Variants in PPP4R2 observed in about 807,000 individuals in gnomAD.
PPP4R2 encodes protein phosphatase 4 regulatory subunit 2, also known as serine/threonine-protein phosphatase 4 regulatory subunit 2.
PPP4R2 carries 13 observed loss-of-function variants against 47.2 expected under a neutral mutation model. The observed-to-expected ratio is 0.28, with a 90% CI of 0.18 to 0.44. PPP4R2 has a LOEUF of 0.44. PPP4R2 is among the 20% of genes least tolerant of loss of function. The pLI is 1.00. For synonymous variants in PPP4R2, 151 were observed against 163.3 expected (o/e 0.92, Z 0.57); for missense variants, 421 against 491.2 (o/e 0.86, Z 1.35).
rs946365237 is a variant in PPP4R2 at position 73,068,303 on chromosome 3, T to G, written c.*2581T>G. 9 of 152,132 alleles carry G rather than the reference T, an allele frequency of 5.9e-5. No homozygotes were observed. Among genetic ancestry groups the G allele is most frequent in the Admixed American group, 2.0e-4 (3 of 15,266 alleles). 9.4% of individuals were successfully genotyped at this position (152,132 alleles called of 1,614,324 possible). On this transcript the variant is annotated 3_prime_UTR_variant, in exon 9 of 9. Coordinates refer to ENST00000356692, the MANE Select transcript of PPP4R2 (RefSeq NM_174907.4). ...TTGTTTCTGACCTTGAGCAGATTGC[T>G]TACCTGTTCTCTAGACTATAACCCA...
chr3:73,002,134 A>G (rs1701477448), intron 2 of PPP4R2, among the ~76,000 whole-genome samples: 1 of 152,222 alleles, frequency 6.6e-6, no homozygotes, highest in Non-Finnish European at 1.5e-5. Context: ...TTCACTTAAC[A>G]TAATGGCCTA....
intron 2 of PPP4R2, among the ~76,000 whole-genome samples, chr3:73,018,465 A>ATGTTT (rs1295553516): frequency 9.0e-5 from 8 of 88,962 alleles, no homozygotes; most frequent in Non-Finnish European, 1.6e-4. Context: ...ATGTTATGTT[A>ATGTTT]GTATCCGAAA....
chr3:73,048,618 C>T (rs1008714392), intron 3 of PPP4R2, among the ~76,000 whole-genome samples: 3 of 152,106 alleles, frequency 2.0e-5, no homozygotes, highest in African/African-American at 7.2e-5. Flanking sequence ...TTGAATTATT[C>T]GATATTTAGT....
intron 2 of PPP4R2, among the ~76,000 whole-genome samples, chr3:73,011,768 T>A (rs982960611): frequency 1.4e-5 from 2 of 147,382 alleles, no homozygotes; most frequent in Non-Finnish European, 3.0e-5. Context: ...ATGAGACTGA[T>A]ACGTGTATTT....
chr3:73,018,045 G>A (rs1435643015), intron 2 of PPP4R2, among the ~76,000 whole-genome samples: 1 of 152,128 alleles, frequency 6.6e-6, no homozygotes, highest in African/African-American at 2.4e-5. Flanking sequence ...GACCAGGTTG[G>A]TTTTGGGGAA....
chr3:73,007,777 C>T (rs1052996006), intron 2 of PPP4R2, among the ~76,000 whole-genome samples: 1 of 152,166 alleles, frequency 6.6e-6, no homozygotes, highest in Non-Finnish European at 1.5e-5. Flanking sequence ...GTGTGAGCCA[C>T]CGCGCCCGGC....
chr3:73,061,050 CCTT>C lies in PPP4R2; in HGVS notation c.414_416del (p.Ser139del), dbSNP rs778949580. 8 of 1,530,514 alleles carry C rather than the reference CCTT, an allele frequency of 5.2e-6. No individual in the cohort carries two copies. In the East Asian group the frequency reaches 1.2e-4, roughly 22 times the overall value. 94.8% of individuals were successfully genotyped at this position (1,530,514 alleles called of 1,614,324 possible). On this transcript the variant is annotated inframe_deletion, in exon 5 of 9. Coordinates refer to ENST00000356692, the MANE Select transcript of PPP4R2 (RefSeq NM_174907.4). ...TGTGATGGTTGTTAGCTGTGTTTAT[CCTT>C]CTTCAGAGTAAGTATATTTTTTCTA...
At chr3:73,063,318 T>TAA (rs534798966) in intron 5 of PPP4R2, 1,345 of 92,072 alleles carry the variant, frequency 0.015, 35 homozygotes, top group African/African-American at 0.067. Flanking sequence ...TCTCATTATT[T>TAA]AAAAAAAAAA....
chr3:73,040,089 G>A (rs1272563364), intron 2 of PPP4R2, among the ~76,000 whole-genome samples: 9 of 152,050 alleles, frequency 5.9e-5, no homozygotes, highest in Admixed American at 5.9e-4. Flanking sequence ...TGCCAAAATT[G>A]AAGAAGCCCT....
chr3:73,050,807 G>A (rs976728154), intron 3 of PPP4R2, among the ~76,000 whole-genome samples: 1 of 152,072 alleles, frequency 6.6e-6, no homozygotes, highest in Non-Finnish European at 1.5e-5. Flanking sequence ...TTGATGGTAG[G>A]CATTTATTTT....
At chr3:73,001,599 C>G (rs1488230117) in intron 2 of PPP4R2, among the ~76,000 whole-genome samples, 1 of 152,046 alleles carries the variant, frequency 6.6e-6, no homozygotes, top group African/African-American at 2.4e-5. Flanking sequence ...CACTTGCACA[C>G]TTATGTAATT....
chr3:73,032,666 A>T (rs1357273975), intron 2 of PPP4R2, among the ~76,000 whole-genome samples: 1 of 151,992 alleles, frequency 6.6e-6, no homozygotes, highest in African/African-American at 2.4e-5. Flanking sequence ...TTTTTCCCTT[A>T]ATGTCTGATT....
At chr3:73,065,324 G>T (rs1229747720) in intron 8 of PPP4R2, 73 bp from the exon 9 acceptor site, 10 of 1,428,398 alleles carry the variant, frequency 7.0e-6, no homozygotes, top group Non-Finnish European at 9.4e-6. Flanking sequence ...TAGAATATCA[G>T]AATTCATGAA....
intron 2 of PPP4R2, among the ~76,000 whole-genome samples, chr3:73,009,074 C>T (rs1189121742): frequency 6.6e-6 from 1 of 152,192 alleles, no homozygotes; most frequent in Non-Finnish European, 1.5e-5. Context: ...AATTATTCTA[C>T]TTTTAGTGAT....
intron 2 of PPP4R2, among the ~76,000 whole-genome samples, chr3:73,000,154 G>A (rs1258881185): frequency 1.3e-5 from 2 of 152,102 alleles, no homozygotes; most frequent in African/African-American, 4.8e-5. Flanking sequence ...GGAAACAGTG[G>A]GTCACTTGAG....
intron 2 of PPP4R2, among the ~76,000 whole-genome samples, chr3:73,043,021 G>A (rs1333460772): frequency 2.6e-5 from 4 of 152,116 alleles, no homozygotes; most frequent in African/African-American, 7.2e-5. Flanking sequence ...AACATGTCAT[G>A]TCAGATGGTT....
At chr3:73,060,261 C>T (rs1409204245) in intron 4 of PPP4R2, among the ~76,000 whole-genome samples, 1 of 152,168 alleles carries the variant, frequency 6.6e-6, no homozygotes, top group African/African-American at 2.4e-5. Flanking sequence ...ATAATATCCC[C>T]AAAGGCCAGG....
intron 2 of PPP4R2, among the ~76,000 whole-genome samples, chr3:73,029,450 T>TA (rs1575859787): frequency 1.3e-5 from 2 of 152,240 alleles, no homozygotes; most frequent in East Asian, 3.9e-4. Flanking sequence ...ATTTTGAAGG[T>TA]ACAACCAACA....
At chr3:73,044,174 T>C (rs572620759) in intron 2 of PPP4R2, among the ~76,000 whole-genome samples, 1 of 152,314 alleles carries the variant, frequency 6.6e-6, no homozygotes, top group Non-Finnish European at 1.5e-5. Flanking sequence ...CTTTTGGGGA[T>C]CTATGGAGAA....
Sources: allele counts gnomAD v4.1 joint callset (sites outside exome capture counted in the v4.1 genomes callset), GRCh38; gene constraint gnomAD v4.1.1; transcripts MANE v1.5; gene names NCBI Gene and HGNC (gene_info 2026-07-23, HGNC 2026-07-21).